MLIP: variants seen among roughly 807,000 people sequenced by gnomAD.
MLIP encodes muscular LMNA-interacting protein.
A neutral mutation model predicts 84.8 loss-of-function variants in MLIP; 79 were observed. That is an observed-to-expected ratio of 0.93 (90% CI 0.78 to 1.12). MLIP has a LOEUF of 1.12. Among genes scored for constraint, MLIP ranks in the 50% most tolerant of loss-of-function variants. The pLI is 0.00. For synonymous variants in MLIP, 504 were observed against 463.0 expected (o/e 1.09, Z -1.14); for missense variants, 1,257 against 1,160.6 (o/e 1.08, Z -1.21).
chr6:54,160,371 T>C lies in MLIP; in HGVS notation c.2294T>C (p.Leu765Pro), dbSNP rs1251138556. 1.2e-5 allele frequency: 20 copies of C among 1,611,722 alleles called. No individual in the cohort carries two copies. The highest frequency in any genetic ancestry group is 1.6e-5 in the Non-Finnish European group (19 of 1,178,698). Reference protein sequence around the residue: ...TNTLLLEQKALDEPAKTESVS... With the variant: ...TNTLLLEQKAPDEPAKTESVS... The stretch of plus-strand genomic sequence containing the variant: ...AACTATTTCATTTGTCACTAGGCAC[T>C]AGATGAACCAGCCAAGACTGAAAGT... Residue 765 changes from leucine to proline, a missense_variant, in exon 6 of 14, where the codon CTA becomes CCA. Coordinates refer to ENST00000502396, the MANE Select transcript of MLIP (RefSeq NM_001281747.2).
At chr6:54,212,391 T>C (rs1168788058) in intron 11 of MLIP, among the ~76,000 whole-genome samples, 1 of 152,154 alleles carries the variant, frequency 6.6e-6, no homozygotes, top group African/African-American at 2.4e-5. Context: ...TGATATTTGA[T>C]GATTAGATGA....
intron 10 of MLIP, among the ~76,000 whole-genome samples, chr6:54,198,149 A>G (rs866636643): frequency 1.7e-4 from 26 of 152,234 alleles, no homozygotes; most frequent in Non-Finnish European, 2.6e-4. Flanking sequence ...TCAACTTTTA[A>G]TGTGTACATG....
chr6:54,166,095 G>A (rs139015436), intron 8 of MLIP, among the ~76,000 whole-genome samples: 1,631 of 151,934 alleles, frequency 0.011, 7 homozygotes, highest in Middle Eastern at 0.017. Context: ...TTGTTATAGC[G>A]GCCCAAATGT....
At position 54,237,256 on chromosome 6, in the gene MLIP, A is replaced by G. The variant is rs77124958; in HGVS notation, c.2922+6339A>G. 1.6e-4 allele frequency among the ~76,000 whole-genome samples: 25 copies of G among 151,646 alleles called. No homozygotes were observed. The East Asian group carries it at 2.4e-3, about 14-fold the overall frequency. ...GGGAACTCTGGGAGCTGCTGTAGGG[A>G]CACACAGCTCAGAGCCCTGCTTTCT... On this transcript the variant is annotated intron_variant, in intron 12 of 13. Transcript: ENST00000502396.
At chr6:54,040,507 A>G (rs776476384) in intron 1 of MLIP, among the ~76,000 whole-genome samples, 5 of 152,082 alleles carry the variant, frequency 3.3e-5, no homozygotes, top group Non-Finnish European at 7.4e-5. Flanking sequence ...AGCAGCTTGG[A>G]GATTTCTCCA....
At chr6:54,176,038 T>C (rs1776250249) in intron 9 of MLIP, among the ~76,000 whole-genome samples, 1 of 152,096 alleles carries the variant, frequency 6.6e-6, no homozygotes. Flanking sequence ...ATTGATTGAT[T>C]TGCATATGTT....
intron 8 of MLIP, 49 bp downstream of exon 8, chr6:54,160,848 C>T: frequency 1.4e-6 from 2 of 1,467,934 alleles, no homozygotes; most frequent in Non-Finnish European, 9.4e-7. Context: ...TTTATTAGAT[C>T]AATGATTTCC....
chr6:54,219,903 C>G (rs1416306589), intron 11 of MLIP, among the ~76,000 whole-genome samples: 6 of 152,068 alleles, frequency 3.9e-5, no homozygotes, highest in African/African-American at 1.4e-4. Context: ...GCTAGACATA[C>G]GATTTATCAT....
At chr6:54,154,580 C>G (rs763524476) in intron 5 of MLIP, among the ~76,000 whole-genome samples, 1 of 152,174 alleles carries the variant, frequency 6.6e-6, no homozygotes, top group Non-Finnish European at 1.5e-5. Flanking sequence ...AATTGGACCT[C>G]AGAGGAGCTC....
chr6:54,240,461 G>T (rs1032378290), intron 12 of MLIP, among the ~76,000 whole-genome samples: 2 of 152,102 alleles, frequency 1.3e-5, no homozygotes, highest in Admixed American at 6.6e-5. Flanking sequence ...TAAACTATGT[G>T]ATGTGTATGT....
intron 1 of MLIP, chr6:54,029,004 G>C (rs1020514807): frequency 1.3e-5 from 2 of 151,960 alleles, no homozygotes; most frequent in African/African-American, 4.8e-5. Flanking sequence ...TATTTTTGTG[G>C]GTTTATGGTT....
chr6:54,217,442 T>G (rs1779929576), intron 11 of MLIP: 17 of 985,412 alleles, frequency 1.7e-5, no homozygotes, highest in Non-Finnish European at 2.0e-5. Context: ...ACCAAATGCA[T>G]CAGATATGGC....
intron 4 of MLIP, among the ~76,000 whole-genome samples, chr6:54,145,456 A>T (rs973297464): frequency 1.3e-5 from 2 of 152,024 alleles, no homozygotes; most frequent in Non-Finnish European, 2.9e-5. Context: ...GGAGTAGTGC[A>T]TGTCATGTAG....
At chr6:54,263,263 C>T (rs564939846) in intron 13 of MLIP, among the ~76,000 whole-genome samples, 1 of 152,158 alleles carries the variant, frequency 6.6e-6, no homozygotes, top group South Asian at 2.1e-4. Context: ...ACATTTTACT[C>T]TTTAGAGTCC....
chr6:54,109,477 C>T, upstream of MLIP, among the ~76,000 whole-genome samples: 1 of 152,134 alleles, frequency 6.6e-6, no homozygotes, highest in East Asian at 1.9e-4. Context: ...GGCCCACAGC[C>T]AGTGGATGAT....
chr6:54,146,664 C>T (rs1485009595), intron 4 of MLIP, among the ~76,000 whole-genome samples: 1 of 152,180 alleles, frequency 6.6e-6, no homozygotes, highest in Non-Finnish European at 1.5e-5. Flanking sequence ...ATTCATGTGT[C>T]AGATGAGGGA....
rs62397367 is a variant in MLIP at position 54,080,576 on chromosome 6, T to C, written c.64-40871T>C. 4.4e-3 allele frequency among the ~76,000 whole-genome samples: 669 copies of C among 151,900 alleles called. 4 individuals carry two copies. The highest frequency in any genetic ancestry group is 0.017 in the Middle Eastern group (5 of 290). On this transcript the variant is annotated intron_variant, in intron 1 of 12. Transcript: ENST00000274897. ...TATTCAATATTATACAGCGATAGTT[T>C]TGCATTTGCATATAACTATACCCAT...
chr6:54,031,293 A>T (rs1764119936), intron 1 of MLIP: 1 of 152,004 alleles, frequency 6.6e-6, no homozygotes, highest in Admixed American at 6.5e-5. Context: ...GTCAGAGAGG[A>T]ATGCAAGGCC....
At chr6:54,214,498 C>G (rs1465058074) in intron 11 of MLIP, among the ~76,000 whole-genome samples, 3 of 152,274 alleles carry the variant, frequency 2.0e-5, no homozygotes, top group East Asian at 3.9e-4. Flanking sequence ...GACTTCTGTT[C>G]TTGTTGTTTT....
Sources: allele counts gnomAD v4.1 joint callset (sites outside exome capture counted in the v4.1 genomes callset), GRCh38; gene constraint gnomAD v4.1.1; transcripts MANE v1.5; gene names NCBI Gene and HGNC (gene_info 2026-07-23, HGNC 2026-07-21).